The following TALDO1 variants were observed in gnomAD, a reference collection of about 807,000 sequenced individuals.
TALDO1 encodes the protein transaldolase.
A neutral mutation model predicts 38.1 loss-of-function variants in TALDO1; 29 were observed. The ratio of observed to expected loss-of-function variants is 0.76; its 90% CI spans 0.57 to 1.04. The LOEUF is 1.04. TALDO1 is among the 50% of genes least tolerant of loss of function. The probability of loss-of-function intolerance (pLI) is 0.00; values close to 1 mark genes in which losing one functional copy is unlikely to be tolerated. For missense variants in TALDO1, 499 were observed against 438.1 expected (o/e 1.14, Z -1.24); for synonymous variants, 207 against 176.8 (o/e 1.17, Z -1.36).
At position 764,987 on chromosome 11, in the gene TALDO1, T is replaced by TAATA; in HGVS notation, c.*143_*146dup. 8.5e-7 allele frequency: 1 copy of TAATA among 1,174,004 alleles called. No individual in the cohort carries two copies. Among genetic ancestry groups the TAATA allele is most frequent in the Middle Eastern group, 2.7e-4 (1 of 3,662 alleles). The allele number at this position is 1,174,004 out of a possible 1,614,324, so 72.7% of individuals were successfully genotyped here. On this transcript the variant is annotated 3_prime_UTR_variant, in exon 8 of 8. Coordinates refer to ENST00000319006, the MANE Select transcript of TALDO1 (RefSeq NM_006755.2). ...TTCTGATTTTATGTAAAATTTTGCC[T>TAATA]AATACATTAAAGCAGTCACTTTTCC...
chr11:763,890 G>C lies in TALDO1; in HGVS notation c.781G>C (p.Gly261Arg). The change falls in exon 6 of 8, where the codon GGA becomes CGA. Residue 261 changes from glycine (G) to arginine (R), a missense_variant. Coordinates refer to ENST00000319006, the MANE Select transcript of TALDO1 (RefSeq NM_006755.2). ...DFLTISPKLL[G>R]ELLQDNAKLV... ...CCTCACCATCTCACCCAAGCTCCTG[G>C]GAGAGCTGCTGCAGGACAACGCCAA... The C allele has an allele frequency of 6.2e-7, 1 of 1,613,338 alleles. No homozygotes were observed.
intron 5 of TALDO1, 63 bp downstream of exon 5, chr11:763,582 G>A (rs1862993130): frequency 1.9e-6 from 3 of 1,604,974 alleles, no homozygotes; most frequent in Non-Finnish European, 1.7e-6. Flanking sequence ...CAGGCAGGAA[G>A]AGCCCGAGAC....
At chr11:763,267 TCCCCGCC>T in intron 4 of TALDO1, 70 bp from the exon 5 acceptor site, 1 of 142,132 alleles carries the variant, frequency 7.0e-6, no homozygotes, top group Non-Finnish European at 1.2e-5. Context: ...GCCCTCACCG[TCCCCGCC>T]CTCACCCGCC....
rs891258711 is a variant in TALDO1 at position 759,146 on chromosome 11, C to T, written c.329+89C>T. On this transcript the variant is annotated intron_variant, in intron 3 of 7. Coordinates refer to ENST00000319006, the MANE Select transcript of TALDO1 (RefSeq NM_006755.2). ...CCAACATGAGGTCAAGGGGCTGCTC[C>T]ACCCATGGTCTTCATCCCAAGGGCC... is the stretch of plus-strand genomic sequence containing the variant. 85 of 1,126,806 alleles carry T rather than the reference C, an allele frequency of 7.5e-5. No homozygotes were observed. The Admixed American group carries it at 1.5e-3, about 19-fold the overall frequency. 69.8% of individuals were successfully genotyped at this position (1,126,806 alleles called of 1,614,324 possible). A position where few individuals can be genotyped will look rare whatever the true frequency, so the allele number is the denominator to read the frequency against.
In TALDO1 at chr11:756,018, C is replaced by G. The variant is rs765103109; in HGVS notation, c.221+16C>G. 5 of 1,610,580 alleles carry G rather than the reference C, an allele frequency of 3.1e-6. No individual in the cohort carries two copies. The South Asian group carries it at 4.4e-5, about 14-fold the overall frequency. Reference sequence around the variant, plus strand: ...AGCTGGGCGGGTGAGTGCCTGGACTCGGGAGGGTCCCAGCTAGGCCCTCGT... The same window carrying G: ...AGCTGGGCGGGTGAGTGCCTGGACTGGGGAGGGTCCCAGCTAGGCCCTCGT... On this transcript the variant is annotated intron_variant, in intron 2 of 7. Transcript: ENST00000319006.
At chr11:756,999 C>T (rs888562320) in intron 2 of TALDO1, among the ~76,000 whole-genome samples, 2 of 152,176 alleles carry the variant, frequency 1.3e-5, no homozygotes, top group Non-Finnish European at 2.9e-5. Context: ...GAAGATGGTG[C>T]CGAGCAGGCA....
chr11:747,518 T>C lies in TALDO1; in HGVS notation c.37T>C (p.Ser13Pro), dbSNP rs1273541268. 1 of 1,599,840 alleles carries C rather than the reference T, an allele frequency of 6.3e-7. No individual in the cohort carries two copies. The highest frequency in any genetic ancestry group is 8.5e-7 in the Non-Finnish European group (1 of 1,174,866). ...SSPVKRQRME[S>P]ALDQLKQFTT... The stretch of plus-strand genomic sequence containing the variant: ...ACCCGTGAAGCGTCAGAGGATGGAG[T>C]CCGCGCTGGACCAGCTCAAGCAGTT... The change falls in exon 1 of 8, where the codon TCC becomes CCC. Residue 13 changes from serine (S) to proline (P), a missense_variant. Physicochemically the swap from Ser to Pro is moderately conservative, Grantham distance 74. Coordinates refer to ENST00000319006, the MANE Select transcript of TALDO1 (RefSeq NM_006755.2).
chr11:764,584 C>A, intron 7 of TALDO1, 151 bp downstream of exon 7: 2 of 1,396,598 alleles, frequency 1.4e-6, no homozygotes, highest in Non-Finnish European at 2.0e-6. Flanking sequence ...TTGAGGCCAT[C>A]CCAGGGTGGA....
chr11:763,036 G>A (rs1862966004), intron 4 of TALDO1, among the ~76,000 whole-genome samples: 1 of 152,102 alleles, frequency 6.6e-6, no homozygotes, highest in South Asian at 2.1e-4. Context: ...GAAAATCCTG[G>A]TCACCCATAA....
chr11:756,512 A>T (rs1022564274), intron 2 of TALDO1, among the ~76,000 whole-genome samples: 147 of 115,280 alleles, frequency 1.3e-3, no homozygotes, highest in South Asian at 2.0e-3. Flanking sequence ...TCATTTTTGT[A>T]TTTTTTTTTT....
intron 4 of TALDO1, among the ~76,000 whole-genome samples, chr11:762,450 T>C (rs1311574320): frequency 2.0e-5 from 3 of 151,222 alleles, no homozygotes; most frequent in Admixed American, 2.0e-4. Flanking sequence ...TATGAACACA[T>C]CTGCTGCTCT....
chr11:759,106 T>TG, intron 3 of TALDO1, 49 bp downstream of exon 3: 2 of 1,484,742 alleles, frequency 1.3e-6, no homozygotes, highest in Non-Finnish European at 1.9e-6. Context: ...GTGTCCACAG[T>TG]TGCACACGTG....
Position 763,732 on chromosome 11 carries a change from T to C in TALDO1, c.638-15T>C. 4 of 1,613,810 alleles carry C rather than the reference T, an allele frequency of 2.5e-6. No homozygotes were observed. Among genetic ancestry groups the C allele is most frequent in the African/African-American group, 1.3e-5 (1 of 75,014 alleles). On this transcript the variant is annotated splice_polypyrimidine_tract_variant and intron_variant, in intron 5 of 7. Coordinates refer to ENST00000319006, the MANE Select transcript of TALDO1 (RefSeq NM_006755.2). ...CTGCCGAAGCCTTCCTGGTCACAGCTTGGTCTCTTTCCAGGGGTAAAGAGT... is the reference window on the plus strand; with the variant it reads ...CTGCCGAAGCCTTCCTGGTCACAGCCTGGTCTCTTTCCAGGGGTAAAGAGT...
Position 755,976 on chromosome 11 carries a change from G to T in TALDO1, c.195G>T (p.Ala65=). The part of the protein sequence containing the change: ...MPAYQELVEE[A]IAYGRKLGGS... ...CTTACCAGGAGCTGGTGGAGGAGGCGATTGCCTATGGCCGGAAGCTGGGCG... is the reference window on the plus strand; with the variant it reads ...CTTACCAGGAGCTGGTGGAGGAGGCTATTGCCTATGGCCGGAAGCTGGGCG... Residue 65 remains alanine (A), a synonymous_variant, in exon 2 of 8, where the codon GCG becomes GCT. Coordinates refer to ENST00000319006, the MANE Select transcript of TALDO1 (RefSeq NM_006755.2). 1 of 1,613,652 alleles carries T rather than the reference G, an allele frequency of 6.2e-7. No individual in the cohort carries two copies. The highest frequency in any genetic ancestry group is 8.5e-7 in the Non-Finnish European group (1 of 1,179,896).
intron 1 of TALDO1, among the ~76,000 whole-genome samples, chr11:748,132 A>C (rs764591650): frequency 1.9e-4 from 29 of 152,248 alleles, no homozygotes; most frequent in Admixed American, 3.9e-4. Flanking sequence ...CCACGTGGCC[A>C]GTTTGTGGTC....
At chr11:755,723 TGACCCA>T (rs1435775579) in intron 1 of TALDO1, 150 bp from the exon 2 acceptor site, 1 of 1,034,342 alleles carries the variant, frequency 9.7e-7, no homozygotes, top group African/African-American at 1.6e-5. Context: ...GAACCTTCAG[TGACCCA>T]GAAGAAGGTG....
intron 1 of TALDO1, chr11:752,297 G>C (rs1217257265): frequency 1.3e-5 from 2 of 150,672 alleles, no homozygotes; most frequent in Non-Finnish European, 2.9e-5. Flanking sequence ...AGCCAGGATG[G>C]TCTGGATCTC....
Position 747,503 on chromosome 11 carries a change from C to G in TALDO1, c.22C>G (p.Arg8Gly). The G allele has an allele frequency of 6.2e-7, 1 of 1,600,052 alleles. No homozygotes were observed. The change falls in exon 1 of 8, where the codon CGT becomes GGT. Residue 8 changes from arginine (R) to glycine (G), a missense_variant. Coordinates refer to ENST00000319006, the MANE Select transcript of TALDO1 (RefSeq NM_006755.2). Reference protein sequence around the residue: MSSSPVKRQRMESALDQL... With the variant: MSSSPVKGQRMESALDQL... ...TGCTATGTCGAGCTCACCCGTGAAG[C>G]GTCAGAGGATGGAGTCCGCGCTGGA...
At chr11:754,105 C>A (rs1245687153) in intron 1 of TALDO1, among the ~76,000 whole-genome samples, 1 of 151,980 alleles carries the variant, frequency 6.6e-6, no homozygotes, top group Non-Finnish European at 1.5e-5. Flanking sequence ...CTGCCACAGC[C>A]TCCCGAGTAG....
Sources: gnomAD v4.1 joint callset for allele counts (sites outside exome capture counted in the v4.1 genomes callset) on GRCh38, gnomAD v4.1.1 for gene constraint, MANE v1.5 for transcripts, NCBI Gene and HGNC (gene_info 2026-07-23, HGNC 2026-07-21) for gene names.